LCOR: variants seen among roughly 807,000 people sequenced by gnomAD.
The protein encoded by LCOR is ligand-dependent corepressor.
A neutral mutation model predicts 64.4 loss-of-function variants in LCOR; 14 were observed. That is an observed-to-expected ratio of 0.22 (90% CI 0.14 to 0.34). LCOR has a LOEUF of 0.34. Ranked by LOEUF, LCOR falls within the 10% of genes least tolerant of loss-of-function variation. The probability of loss-of-function intolerance (pLI) is 1.00; values close to 1 mark genes in which losing one functional copy is unlikely to be tolerated. For missense variants in LCOR, 1,686 were observed against 1,765.3 expected, an observed-to-expected ratio of 0.96 and a Z score of 0.80; for synonymous variants, 643 against 642.5, an observed-to-expected ratio of 1.00 and a Z score of -0.01.
chr10:96,944,287 G>A, intron 5 of LCOR, 42 bp downstream of exon 5: 1 of 955,818 alleles, frequency 1.0e-6, no homozygotes. Flanking sequence ...TGCTTGTCTT[G>A]TATTATTGAT....
At chr10:96,840,809 G>A (rs2134363833) in intron 2 of LCOR, among the ~76,000 whole-genome samples, 1 of 152,368 alleles carries the variant, frequency 6.6e-6, no homozygotes, top group South Asian at 2.1e-4. Flanking sequence ...ACCATTTGAA[G>A]TAAAGCAGCG....
At chr10:96,896,753 T>C (rs893284963) in intron 2 of LCOR, among the ~76,000 whole-genome samples, 1 of 141,546 alleles carries the variant, frequency 7.1e-6, no homozygotes, top group African/African-American at 2.6e-5. Context: ...TCTAGAGTTA[T>C]TGAGATCCAC....
At chr10:96,858,222 C>T (rs1297197514) in intron 2 of LCOR, among the ~76,000 whole-genome samples, 3 of 152,264 alleles carry the variant, frequency 2.0e-5, no homozygotes, top group Non-Finnish European at 4.4e-5. Context: ...ACACTTGAAA[C>T]GTGACCTTTA....
intron 2 of LCOR, among the ~76,000 whole-genome samples, chr10:96,898,895 A>G (rs1395853834): frequency 6.6e-6 from 1 of 152,184 alleles, no homozygotes; most frequent in East Asian, 1.9e-4. Flanking sequence ...AATTGTTAAG[A>G]TAAGAGATAG....
rs1307727653 is a variant in LCOR, at chr10:96,982,179, C to T, written c.1719C>T (p.Thr573=). The change falls in exon 8 of 8, where the codon ACC becomes ACT. Residue 573 remains threonine, a synonymous_variant. Transcript: ENST00000421806. The part of the protein sequence containing the change: ...DNPEEPSKEI[T]SHEEGGGDVS... ...CTGAAGAACCTAGCAAGGAAATCACCTCTCACGAGGAAGGAGGTGGAGACG... is the reference window on the plus strand; with the variant it reads ...CTGAAGAACCTAGCAAGGAAATCACTTCTCACGAGGAAGGAGGTGGAGACG... 5 of 1,614,068 alleles carry T rather than the reference C, an allele frequency of 3.1e-6. No homozygotes were observed. Among genetic ancestry groups the T allele is most frequent in the South Asian group, 1.1e-5 (1 of 91,082 alleles).
intron 4 of LCOR, among the ~76,000 whole-genome samples, chr10:96,941,384 C>T (rs1847471056): frequency 6.8e-6 from 1 of 146,768 alleles, no homozygotes; most frequent in Non-Finnish European, 1.5e-5. Flanking sequence ...CCCTCACCTC[C>T]CGGACTGGGC....
Position 96,907,665 on chromosome 10 carries a change from C to T in LCOR, c.-263-3C>T. 2 of 967,688 alleles carry T rather than the reference C, an allele frequency of 2.1e-6. No homozygotes were observed. The highest frequency in any genetic ancestry group is 2.5e-6 in the Non-Finnish European group (2 of 813,518). The allele number at this position is 967,688 out of a possible 1,614,324, so 59.9% of individuals were successfully genotyped here. On this transcript the variant is annotated splice_polypyrimidine_tract_variant and splice_region_variant and intron_variant, in intron 3 of 7. Coordinates refer to ENST00000421806, the MANE Select transcript of LCOR (RefSeq NM_001346516.2). ...GACTATTAATTTGTTACTATTTTTG[C>T]AGACTGTGAACCTGAAAGCATTTCT...
Position 96,852,985 on chromosome 10 carries a change from G to A in LCOR, c.-330+19506G>A, listed in dbSNP as rs759277819. ...GTTCTCCATTTCTAACAGTTTTAAA[G>A]GTATGCTTGAATAGTAAATTTGTAA... is the stretch of plus-strand genomic sequence containing the variant. On this transcript the variant is annotated intron_variant, in intron 2 of 7. Transcript: ENST00000421806. 5.9e-4 allele frequency among the ~76,000 whole-genome samples: 89 copies of A among 152,084 alleles called. 1 individual carries two copies. The highest frequency in any genetic ancestry group is 3.3e-4 in the Admixed American group (5 of 15,258).
At chr10:96,907,908 T>C (rs147224767) in intron 4 of LCOR, 161 bp downstream of exon 4, 4 of 157,358 alleles carry the variant, frequency 2.5e-5, no homozygotes, top group African/African-American at 9.6e-5. Flanking sequence ...TTTTGCAATT[T>C]AAGTTATTTC....
chr10:96,895,662 A>G (rs1371177417), intron 2 of LCOR, among the ~76,000 whole-genome samples: 1 of 152,156 alleles, frequency 6.6e-6, no homozygotes, highest in African/African-American at 2.4e-5. Flanking sequence ...CCCATCTTAA[A>G]TCACCTTGCT....
At chr10:96,861,393 A>G (rs1845884806) in intron 2 of LCOR, among the ~76,000 whole-genome samples, 1 of 152,162 alleles carries the variant, frequency 6.6e-6, no homozygotes, top group South Asian at 2.1e-4. Context: ...GTGGGAAAAC[A>G]AAATCTGTTT....
intron 7 of LCOR, chr10:96,957,610 A>G (rs943029335): frequency 1.1e-5 from 11 of 985,390 alleles, no homozygotes; most frequent in Middle Eastern, 5.2e-4. Flanking sequence ...AGGGTTGGTT[A>G]GATTGATTTC....
intron 4 of LCOR, among the ~76,000 whole-genome samples, chr10:96,910,823 G>A (rs1005114833): frequency 6.6e-6 from 1 of 152,188 alleles, no homozygotes; most frequent in East Asian, 1.9e-4. Flanking sequence ...CAGCAGCTAT[G>A]CATACTTTTA....
chr10:96,995,454 G>A lies in LCOR; in HGVS notation c.*10320G>A, dbSNP rs1270920720. 2.0e-5 allele frequency: 3 copies of A among 152,188 alleles called. No individual in the cohort carries two copies. Among genetic ancestry groups the A allele is most frequent in the Non-Finnish European group, 2.9e-5 (2 of 68,034 alleles). 9.4% of individuals were successfully genotyped at this position (152,188 alleles called of 1,614,324 possible). ...CTGGATTTCTACTATGTTAGTGAGT[G>A]TAGGAATATACTGTGTCTTTAATGG... On this transcript the variant is annotated 3_prime_UTR_variant, in exon 8 of 8. Coordinates refer to ENST00000421806, the MANE Select transcript of LCOR (RefSeq NM_001346516.2). The surrounding 1 kb of genome is among the most constrained non-coding windows in gnomAD (Gnocchi z 4.2).
intron 2 of LCOR, among the ~76,000 whole-genome samples, chr10:96,897,984 C>T (rs12265242): frequency 0.14 from 21,511 of 151,078 alleles, 2,090 homozygotes; most frequent in African/African-American, 0.27. Context: ...AAATCTCCAA[C>T]CTCTCAGTTA....
intron 6 of LCOR, 69 bp downstream of exon 6, chr10:96,949,364 A>G: frequency 1.4e-6 from 2 of 1,384,570 alleles, no homozygotes; most frequent in Non-Finnish European, 2.0e-6. Context: ...AAAAAAAAGC[A>G]TTGGCAAGTA....
intron 1 of LCOR, chr10:96,832,857 T>TCCTCCTCCTGCGCCAC: frequency 2.7e-6 from 1 of 376,442 alleles, no homozygotes; most frequent in Non-Finnish European, 3.6e-6. Context: ...GCCGCCGCCG[T>TCCTCCTCCTGCGCCAC]CCTCCTCCTG....
At chr10:96,885,309 A>T (rs1304873410) in intron 2 of LCOR, among the ~76,000 whole-genome samples, 1 of 152,174 alleles carries the variant, frequency 6.6e-6, no homozygotes, top group African/African-American at 2.4e-5. Context: ...TAAAAATTGC[A>T]TTCTTAATCG....
At position 96,925,492 on chromosome 10, in the gene LCOR, A is replaced by G. The variant is rs1025957556; in HGVS notation, c.-184+17745A>G. On this transcript the variant is annotated intron_variant, in intron 4 of 7. Transcript: ENST00000421806. ...TTTATGATTAAGTTCATAATATTAA[A>G]TAAGTGATAAATTATTAAATAAGTG... is the stretch of plus-strand genomic sequence containing the variant. 7.9e-5 allele frequency among the ~76,000 whole-genome samples: 12 copies of G among 152,334 alleles called. No individual in the cohort carries two copies. In the East Asian group the frequency reaches 2.3e-3, roughly 29 times the overall value.
Sources: gnomAD v4.1 joint callset for allele counts (sites outside exome capture counted in the v4.1 genomes callset) on GRCh38, gnomAD v4.1.1 for gene constraint, Gnocchi (gnomAD v3.1) non-coding constraint, MANE v1.5 for transcripts, NCBI Gene and HGNC (gene_info 2026-07-23, HGNC 2026-07-21) for gene names.